Variants in NRG1 observed in about 807,000 individuals in gnomAD.
NRG1 encodes the protein pro-neuregulin-1, membrane-bound isoform.
In NRG1, 18 loss-of-function variants were observed where a neutral mutation model predicts 63.8. The observed-to-expected ratio is 0.28, with a 90% CI of 0.19 to 0.42. The LOEUF (loss-of-function observed/expected upper bound fraction) is 0.42, where lower values mean the gene tolerates loss of function less well. NRG1 is among the 10% of genes least tolerant of loss of function. NRG1 has a pLI of 1.00. For missense variants in NRG1, 762 were observed against 814.7 expected, an observed-to-expected ratio of 0.94 and a Z score of 0.79; for synonymous variants, 302 against 301.3, an observed-to-expected ratio of 1.00 and a Z score of -0.02.
At chr8:31,966,314 C>T (rs541783891) in intron 1 of NRG1, among the ~76,000 whole-genome samples, 2 of 152,302 alleles carry the variant, frequency 1.3e-5, no homozygotes, top group South Asian at 2.1e-4. Context: ...AATCATCTCT[C>T]CTAGACTTGC....
rs552479042 is a variant in NRG1 at position 31,828,005 on chromosome 8, T to C, written c.37+188574T>C. On this transcript the variant is annotated intron_variant, in intron 1 of 10. Transcript: ENST00000519301. ...CAGCAGGAAATTTAATTTTAAAAAC[T>C]GAAGAATATACAATAGTTCAGGCAC... 2.1e-4 allele frequency among the ~76,000 whole-genome samples: 32 copies of C among 152,340 alleles called. 1 individual carries two copies. Among genetic ancestry groups the C allele is most frequent in the South Asian group, 1.0e-3 (5 of 4,826 alleles).
intron 1 of NRG1, among the ~76,000 whole-genome samples, chr8:31,974,064 A>G (rs1035047255): frequency 1.3e-5 from 2 of 152,172 alleles, no homozygotes; most frequent in Non-Finnish European, 2.9e-5. Context: ...CTTAACCTTG[A>G]GCGCTAGGAA....
At chr8:32,760,515 G>T (rs953298213) in intron 11 of NRG1, 109 bp downstream of exon 11, 1 of 1,537,964 alleles carries the variant, frequency 6.5e-7, no homozygotes, top group Admixed American at 2.0e-5. Flanking sequence ...ATAAGGGGCG[G>T]CAGTTACCTG....
intron 1 of NRG1, among the ~76,000 whole-genome samples, chr8:32,175,245 A>C (rs892611229): frequency 1.3e-5 from 2 of 152,156 alleles, no homozygotes; most frequent in Admixed American, 6.5e-5. Flanking sequence ...TTACTATCTC[A>C]ATAGATGCAG....
rs371385557 is a variant in NRG1 at position 31,971,796 on chromosome 8, A to T, written c.37+332365A>T. Reference sequence around the variant, plus strand: ...TTTTTCTTTTCTTTCATCGCCCCTGAAACTCCCCCAAGCATTATCCAAGGT... The same window carrying T: ...TTTTTCTTTTCTTTCATCGCCCCTGTAACTCCCCCAAGCATTATCCAAGGT... On this transcript the variant is annotated intron_variant, in intron 1 of 10. Transcript: ENST00000519301. 7.9e-5 allele frequency among the ~76,000 whole-genome samples: 12 copies of T among 152,190 alleles called. No individual in the cohort carries two copies. The East Asian group carries it at 1.5e-3, about 20-fold the overall frequency.
intron 5 of NRG1, among the ~76,000 whole-genome samples, chr8:32,716,632 T>A (rs1819295614): frequency 6.6e-6 from 1 of 152,200 alleles, no homozygotes. Context: ...ATTCCTTGTG[T>A]CTGACGATGC....
chr8:31,990,080 C>T (rs907722318), intron 1 of NRG1, among the ~76,000 whole-genome samples: 16 of 152,180 alleles, frequency 1.1e-4, no homozygotes, highest in East Asian at 1.9e-4. Context: ...AAGAAGTTAA[C>T]GGTACCAGAT....
chr8:32,113,372 A>G (rs1032511369), intron 1 of NRG1, among the ~76,000 whole-genome samples: 4 of 152,122 alleles, frequency 2.6e-5, no homozygotes, highest in Non-Finnish European at 5.9e-5. Context: ...CAGCATACCT[A>G]GGACAGCCCA....
intron 1 of NRG1, among the ~76,000 whole-genome samples, chr8:32,328,945 T>C (rs1201372791): frequency 1.3e-5 from 2 of 152,002 alleles, no homozygotes; most frequent in Non-Finnish European, 2.9e-5. Flanking sequence ...CCTTCTGACT[T>C]GTTAAAACCC....
intron 1 of NRG1, among the ~76,000 whole-genome samples, chr8:32,220,554 T>G (rs542087990): frequency 2.6e-5 from 4 of 152,110 alleles, no homozygotes; most frequent in Admixed American, 1.3e-4. Flanking sequence ...TTTCCAGAAA[T>G]CAAAGAACTT....
At chr8:32,639,881 A>G (rs1156713252) in intron 5 of NRG1, among the ~76,000 whole-genome samples, 1 of 152,238 alleles carries the variant, frequency 6.6e-6, no homozygotes, top group Non-Finnish European at 1.5e-5. Context: ...TGGTTATTCA[A>G]GGTATTTCTT....
At chr8:31,918,279 A>C (rs369519249) in intron 1 of NRG1, among the ~76,000 whole-genome samples, 128 of 152,246 alleles carry the variant, frequency 8.4e-4, no homozygotes, top group African/African-American at 2.2e-3. Context: ...TGTCTTGTGC[A>C]AGTTTTCAAA....
chr8:32,698,202 C>CAA lies in NRG1; in HGVS notation c.503-29734_503-29733dup, dbSNP rs113594688. Reference sequence around the variant, plus strand: ...GCCTGATGACAGCGAGACTCCATCTCAAAAAAAAAAAAAATATATGAAAAG... The same window carrying CAA: ...GCCTGATGACAGCGAGACTCCATCTCAAAAAAAAAAAAAAAATATATGAAAAG... On this transcript the variant is annotated intron_variant, in intron 5 of 11. Transcript: ENST00000356819. 2.4e-3 allele frequency among the ~76,000 whole-genome samples: 317 copies of CAA among 131,654 alleles called. 4 individuals carry two copies. Among genetic ancestry groups the CAA allele is most frequent in the African/African-American group, 8.1e-3 (294 of 36,202 alleles). 86.4% of individuals were successfully genotyped at this position (131,654 alleles called of 152,430 possible).
intron 1 of NRG1, among the ~76,000 whole-genome samples, chr8:31,913,720 C>T (rs369961260): frequency 1.3e-5 from 2 of 152,188 alleles, no homozygotes; most frequent in African/African-American, 4.8e-5. Flanking sequence ...CCCCCACTTC[C>T]ATTACGCCAT....
At chr8:32,418,896 C>G (rs528171129) in intron 1 of NRG1, among the ~76,000 whole-genome samples, 2 of 152,280 alleles carry the variant, frequency 1.3e-5, no homozygotes, top group African/African-American at 4.8e-5. Flanking sequence ...ACTGGATTTT[C>G]TGGATTCTGA....
At chr8:32,553,694 G>A (rs1333359506) in intron 1 of NRG1, among the ~76,000 whole-genome samples, 2 of 151,958 alleles carry the variant, frequency 1.3e-5, no homozygotes, top group Admixed American at 6.6e-5. Context: ...TCTCTTTTGG[G>A]ACTCGTATAA....
chr8:32,544,936 A>G (rs1224427186), upstream of NRG1, among the ~76,000 whole-genome samples: 1 of 140,288 alleles, frequency 7.1e-6, no homozygotes, highest in Non-Finnish European at 1.5e-5. Context: ...ATGCATCTTC[A>G]TTAATGTCAA....
At chr8:32,079,458 G>A (rs896738702) in intron 1 of NRG1, among the ~76,000 whole-genome samples, 2 of 152,052 alleles carry the variant, frequency 1.3e-5, no homozygotes, top group African/African-American at 4.8e-5. Flanking sequence ...TTACAGATGT[G>A]GAAACTAATA....
intron 1 of NRG1, among the ~76,000 whole-genome samples, chr8:31,806,790 G>A (rs972811335): frequency 6.6e-6 from 1 of 152,074 alleles, no homozygotes; most frequent in African/African-American, 2.4e-5. Flanking sequence ...TAAAATGGAG[G>A]CCATAATTAA....
Sources: gnomAD v4.1 joint callset for allele counts (sites outside exome capture counted in the v4.1 genomes callset) on GRCh38, gnomAD v4.1.1 for gene constraint, MANE v1.5 for transcripts, NCBI Gene and HGNC (gene_info 2026-07-23, HGNC 2026-07-21) for gene names.